PSMD14: variants seen among roughly 807,000 people sequenced by gnomAD.
PSMD14 encodes the protein ubiquitin C-terminal hydrolase PSMD14.
A neutral mutation model predicts 41.2 loss-of-function variants in PSMD14; 7 were observed. That is an observed-to-expected ratio of 0.17 (90% CI 0.10 to 0.32). The LOEUF (loss-of-function observed/expected upper bound fraction) is 0.32. Among genes scored for constraint, PSMD14 ranks in the 10% least tolerant of loss-of-function variants. The pLI, the probability that PSMD14 is intolerant of heterozygous loss-of-function variation, is 1.00. For missense variants in PSMD14, 139 were observed against 375.6 expected, an observed-to-expected ratio of 0.37 and a Z score of 5.21; for synonymous variants, 114 against 122.3, an observed-to-expected ratio of 0.93 and a Z score of 0.45.
At chr2:161,365,168 A>G (rs1054096589) in intron 3 of PSMD14, among the ~76,000 whole-genome samples, 13 of 152,176 alleles carry the variant, frequency 8.5e-5, no homozygotes, top group African/African-American at 2.9e-4. Flanking sequence ...CTCTTAGTAC[A>G]TGGCTTTCTT....
intron 11 of PSMD14, among the ~76,000 whole-genome samples, chr2:161,410,313 T>TA (rs1007633014): frequency 4.6e-5 from 7 of 151,050 alleles, no homozygotes; most frequent in Middle Eastern, 6.3e-3. Context: ...CTGGGTTGTT[T>TA]AAAAAAAAAT....
intron 3 of PSMD14, among the ~76,000 whole-genome samples, chr2:161,363,229 C>T (rs1683314270): frequency 6.6e-6 from 1 of 152,204 alleles, no homozygotes; most frequent in Admixed American, 6.5e-5. Flanking sequence ...AAACCATCCT[C>T]CCTGCCCCAA....
intron 3 of PSMD14, among the ~76,000 whole-genome samples, chr2:161,359,550 G>A (rs1416139246): frequency 6.6e-6 from 1 of 151,746 alleles, no homozygotes; most frequent in African/African-American, 2.4e-5. Context: ...TTTCATATTA[G>A]TATCTATACA....
At chr2:161,333,609 A>G (rs1280710245) in intron 3 of PSMD14, among the ~76,000 whole-genome samples, 1 of 152,266 alleles carries the variant, frequency 6.6e-6, no homozygotes, top group Admixed American at 6.5e-5. Flanking sequence ...TGTTCAAGAA[A>G]GCAGATAGTT....
At chr2:161,388,500 A>C (rs1054776910) in intron 8 of PSMD14, among the ~76,000 whole-genome samples, 1 of 152,242 alleles carries the variant, frequency 6.6e-6, no homozygotes, top group East Asian at 1.9e-4. Context: ...AAAAAAATTT[A>C]AAGTACAAAG....
intron 10 of PSMD14, among the ~76,000 whole-genome samples, chr2:161,401,289 C>T (rs1412822348): frequency 1.3e-5 from 2 of 152,186 alleles, no homozygotes; most frequent in East Asian, 1.9e-4. Flanking sequence ...GGCTTTCAGT[C>T]AACAGTAGGC....
chr2:161,377,893 A>G (rs1683522896), intron 7 of PSMD14, among the ~76,000 whole-genome samples: 1 of 151,898 alleles, frequency 6.6e-6, no homozygotes, highest in Non-Finnish European at 1.5e-5. Context: ...CCAAGAGTAC[A>G]TTGGAATTAT....
chr2:161,356,508 A>C (rs940245829), intron 3 of PSMD14, among the ~76,000 whole-genome samples: 1 of 152,106 alleles, frequency 6.6e-6, no homozygotes, highest in Non-Finnish European at 1.5e-5. Flanking sequence ...TTTATGATAA[A>C]ATTTGTTGAG....
chr2:161,358,482 A>G (rs1277932539), intron 3 of PSMD14, among the ~76,000 whole-genome samples: 1 of 152,180 alleles, frequency 6.6e-6, no homozygotes, highest in African/African-American at 2.4e-5. Flanking sequence ...GTGAGGGATA[A>G]AAACCGTGCG....
At chr2:161,377,866 T>G (rs1290907911) in intron 7 of PSMD14, among the ~76,000 whole-genome samples, 3 of 151,938 alleles carry the variant, frequency 2.0e-5, no homozygotes, top group African/African-American at 7.2e-5. Context: ...CAGACACTTG[T>G]TGATCACTAC....
At chr2:161,348,498 G>A (rs1363781256) in intron 3 of PSMD14, among the ~76,000 whole-genome samples, 1 of 152,190 alleles carries the variant, frequency 6.6e-6, no homozygotes, top group African/African-American at 2.4e-5. Context: ...CCATCAGTAG[G>A]AGAATGTGTA....
chr2:161,309,432 T>C (rs548398211), intron 1 of PSMD14, among the ~76,000 whole-genome samples: 54 of 152,242 alleles, frequency 3.5e-4, no homozygotes, highest in Non-Finnish European at 6.3e-4. Flanking sequence ...AATAGAGTTA[T>C]AGTGTGAAAG....
At position 161,396,973 on chromosome 2, in the gene PSMD14, G is replaced by A. The variant is rs540693568; in HGVS notation, c.771+1770G>A. Among the ~76,000 whole-genome samples, 9 of 152,014 alleles carry A rather than the reference G, an allele frequency of 5.9e-5. No individual in the cohort carries two copies. In the East Asian group the frequency reaches 1.2e-3, roughly 20 times the overall value. ...CTCCCAAGTAGCTGGGATTACAGGC[G>A]CCCGCTGCAACACCCAGCTAATTTT... is the stretch of plus-strand genomic sequence containing the variant. On this transcript the variant is annotated intron_variant, in intron 10 of 11. Coordinates refer to ENST00000409682, the MANE Select transcript of PSMD14 (RefSeq NM_005805.6).
intron 7 of PSMD14, among the ~76,000 whole-genome samples, chr2:161,379,169 T>C (rs1212579830): frequency 6.6e-6 from 1 of 151,866 alleles, no homozygotes; most frequent in Non-Finnish European, 1.5e-5. Context: ...ATTTTTCCAC[T>C]AGAAAGGGAT....
intron 7 of PSMD14, among the ~76,000 whole-genome samples, chr2:161,378,200 A>G (rs1448005150): frequency 2.6e-5 from 4 of 151,958 alleles, no homozygotes; most frequent in Non-Finnish European, 5.9e-5. Flanking sequence ...TTTTTAGGCT[A>G]CTAGTAAGCT....
intron 3 of PSMD14, among the ~76,000 whole-genome samples, chr2:161,366,592 C>A (rs1386417783): frequency 6.6e-6 from 1 of 152,036 alleles, no homozygotes; most frequent in South Asian, 2.1e-4. Flanking sequence ...GAACTTTAAG[C>A]AAAACACGAC....
chr2:161,378,477 T>C (rs1391268177), intron 7 of PSMD14, among the ~76,000 whole-genome samples: 4 of 151,964 alleles, frequency 2.6e-5, no homozygotes, highest in Admixed American at 1.3e-4. Context: ...TTCTATAGCA[T>C]AGTAACCAAA....
chr2:161,409,967 CTG>C (rs1327738235), intron 11 of PSMD14, among the ~76,000 whole-genome samples: 1 of 151,592 alleles, frequency 6.6e-6, no homozygotes, highest in Admixed American at 6.6e-5. Context: ...AATTCAGTAA[CTG>C]TTTTTTGAAT....
At chr2:161,358,190 T>C (rs1322788842) in intron 3 of PSMD14, among the ~76,000 whole-genome samples, 1 of 152,134 alleles carries the variant, frequency 6.6e-6, no homozygotes, top group East Asian at 1.9e-4. Context: ...CATAATAATT[T>C]CTCAATAAAT....
Sources: gnomAD v4.1 joint callset for allele counts (sites outside exome capture counted in the v4.1 genomes callset) on GRCh38, gnomAD v4.1.1 for gene constraint, MANE v1.5 for transcripts, NCBI Gene and HGNC (gene_info 2026-07-23, HGNC 2026-07-21) for gene names.